Variants in ROBO2 observed in about 807,000 individuals in gnomAD.
The protein encoded by ROBO2 is roundabout guidance receptor 2, also known as roundabout homolog 2.
In ROBO2, 53 loss-of-function variants were observed where a neutral mutation model predicts 160.8. The ratio of observed to expected loss-of-function variants is 0.33; its 90% CI spans 0.26 to 0.41. ROBO2 has a LOEUF of 0.41. Ranked by LOEUF, ROBO2 falls within the 10% of genes least tolerant of loss-of-function variation. The probability of loss-of-function intolerance (pLI) is 1.00; values close to 1 mark genes in which losing one functional copy is unlikely to be tolerated. For missense variants in ROBO2, 1,577 were observed against 1,722.4 expected, an observed-to-expected ratio of 0.92 and a Z score of 1.49; for synonymous variants, 664 against 611.7, an observed-to-expected ratio of 1.09 and a Z score of -1.26.
At chr3:76,137,087 T>C (rs2071454591) in intron 2 of ROBO2, among the ~76,000 whole-genome samples, 1 of 152,028 alleles carries the variant, frequency 6.6e-6, no homozygotes, top group Admixed American at 6.6e-5. Flanking sequence ...ATTACATGAA[T>C]TAATACACAG....
chr3:77,425,660 A>C (rs1581838023), intron 2 of ROBO2, among the ~76,000 whole-genome samples: 2 of 147,954 alleles, frequency 1.4e-5, no homozygotes, highest in African/African-American at 5.1e-5. Flanking sequence ...TAACGACTTC[A>C]ATATGACTCT....
intron 2 of ROBO2, among the ~76,000 whole-genome samples, chr3:76,546,755 T>G (rs894524897): frequency 6.6e-6 from 1 of 151,974 alleles, no homozygotes; most frequent in South Asian, 2.1e-4. Flanking sequence ...CAGTAAATTA[T>G]TTTTTGTTTC....
intron 2 of ROBO2, among the ~76,000 whole-genome samples, chr3:77,252,669 G>A (rs1031447775): frequency 6.7e-6 from 1 of 150,088 alleles, no homozygotes; most frequent in Non-Finnish European, 1.5e-5. Flanking sequence ...TTAGCTGGGC[G>A]TGGTGGCGGG....
chr3:75,968,589 G>A (rs1423178297), intron 2 of ROBO2, among the ~76,000 whole-genome samples: 2 of 151,038 alleles, frequency 1.3e-5, no homozygotes, highest in East Asian at 2.0e-4. Flanking sequence ...TATGTGATTG[G>A]CAAGAGCACC....
At position 77,040,337 on chromosome 3, in the gene ROBO2, C is replaced by G. The variant is rs547551297; in HGVS notation, c.-449C>G. 7 of 997,648 alleles carry G rather than the reference C, an allele frequency of 7.0e-6. No homozygotes were observed. The African/African-American group carries it at 1.0e-4, about 15-fold the overall frequency. The allele number at this position is 997,648 out of a possible 1,614,324, so 61.8% of individuals were successfully genotyped here. A position where few individuals can be genotyped will look rare whatever the true frequency, so the allele number is the denominator to read the frequency against. Reference sequence around the variant, plus strand: ...GAGAAGGAAACCGGGGGAAAGAAAACCAGTAGGCAGGCCAATGGTTTTTCG... The same window carrying G: ...GAGAAGGAAACCGGGGGAAAGAAAAGCAGTAGGCAGGCCAATGGTTTTTCG... On this transcript the variant is annotated 5_prime_UTR_variant, in exon 1 of 26. Transcript: ENST00000461745.
intron 2 of ROBO2, among the ~76,000 whole-genome samples, chr3:76,648,715 T>A (rs2091106014): frequency 6.6e-6 from 1 of 152,104 alleles, no homozygotes; most frequent in South Asian, 2.1e-4. Context: ...TATATGAGTA[T>A]CCACTGTACT....
intron 20 of ROBO2, 79 bp from the exon 22 acceptor site, chr3:77,607,719 A>G (rs1042872654): frequency 7.6e-7 from 1 of 1,307,984 alleles, no homozygotes; most frequent in African/African-American, 1.5e-5. Context: ...GTTTTGAAAC[A>G]TAAATACACC....
intron 2 of ROBO2, among the ~76,000 whole-genome samples, chr3:76,327,718 T>A (rs2073140485): frequency 6.6e-6 from 1 of 152,210 alleles, no homozygotes; most frequent in South Asian, 2.1e-4. Context: ...ATGATGTGAA[T>A]GTTAAGAAAA....
At position 76,508,531 on chromosome 3, in the gene ROBO2, G is replaced by A. The variant is rs542356252; in HGVS notation, c.109+570929G>A. The stretch of plus-strand genomic sequence containing the variant: ...TTACTAATGAAAAATTATTAAGAAT[G>A]TTATTTTAAGAAACATTAAGTAGGT... On this transcript the variant is annotated intron_variant, in intron 2 of 26. Coordinates refer to the ROBO2 transcript ENST00000487694. Among the ~76,000 whole-genome samples, 4 of 152,158 alleles carry A rather than the reference G, an allele frequency of 2.6e-5. No individual in the cohort carries two copies. The South Asian group carries it at 8.3e-4, about 32-fold the overall frequency.
At chr3:77,039,855 C>T (rs1448491157), upstream of ROBO2, 1 of 152,938 alleles carries the variant, frequency 6.5e-6, no homozygotes, top group Non-Finnish European at 1.5e-5. Context: ...GAAGCGGACG[C>T]TCTGCTGCGA....
chr3:77,259,563 T>C (rs1041631499), intron 2 of ROBO2, among the ~76,000 whole-genome samples: 4 of 152,044 alleles, frequency 2.6e-5, no homozygotes, highest in Non-Finnish European at 4.4e-5. Context: ...TGAGAGTAAA[T>C]AGAACTTAGT....
At chr3:77,529,300 G>T (rs1245993030) in intron 6 of ROBO2, among the ~76,000 whole-genome samples, 2 of 151,468 alleles carry the variant, frequency 1.3e-5, no homozygotes, top group Non-Finnish European at 3.0e-5. Context: ...GTTTTTTAAA[G>T]ATATTAAGCA....
chr3:76,478,215 T>TC (rs2079035556), intron 2 of ROBO2, among the ~76,000 whole-genome samples: 1 of 128,948 alleles, frequency 7.8e-6, no homozygotes, highest in African/African-American at 2.9e-5. Context: ...AGTGTGATGT[T>TC]CCCCTTCCTG....
At chr3:76,045,249 T>G (rs142997012) in intron 2 of ROBO2, among the ~76,000 whole-genome samples, 1,662 of 152,196 alleles carry the variant, frequency 0.011, 51 homozygotes, top group African/African-American at 0.039. Context: ...AAAATTCTTT[T>G]ACACCTTTTC....
chr3:76,814,907 G>A (rs1160437168), intron 2 of ROBO2, among the ~76,000 whole-genome samples: 1 of 151,994 alleles, frequency 6.6e-6, no homozygotes, highest in Non-Finnish European at 1.5e-5. Flanking sequence ...GGGAGAGGAA[G>A]TCATTTGCAA....
At chr3:76,424,420 T>C (rs996116453) in intron 2 of ROBO2, among the ~76,000 whole-genome samples, 3 of 152,292 alleles carry the variant, frequency 2.0e-5, no homozygotes, top group Middle Eastern at 6.8e-3. Flanking sequence ...AGACAAATGC[T>C]GCCTGATCTC....
At chr3:76,659,550 G>A (rs552209433) in intron 2 of ROBO2, among the ~76,000 whole-genome samples, 4 of 152,052 alleles carry the variant, frequency 2.6e-5, no homozygotes, top group Non-Finnish European at 4.4e-5. Flanking sequence ...CTAATGGGCT[G>A]TGCCTTCTCT....
At chr3:76,623,128 G>A (rs1367277705) in intron 2 of ROBO2, among the ~76,000 whole-genome samples, 1 of 152,140 alleles carries the variant, frequency 6.6e-6, no homozygotes, top group South Asian at 2.1e-4. Context: ...ATACACTTGC[G>A]ACTGAATAAC....
intron 2 of ROBO2, among the ~76,000 whole-genome samples, chr3:76,747,567 T>C (rs988780059): frequency 7.9e-5 from 12 of 152,028 alleles, no homozygotes; most frequent in African/African-American, 2.9e-4. Context: ...TGAAACTGCA[T>C]GTGAATGGCA....
Sources: gnomAD v4.1 joint callset for allele counts (sites outside exome capture counted in the v4.1 genomes callset) on GRCh38, gnomAD v4.1.1 for gene constraint, MANE v1.5 for transcripts, NCBI Gene and HGNC (gene_info 2026-07-23, HGNC 2026-07-21) for gene names.